Variants in FGF12 observed in about 807,000 individuals in gnomAD.
FGF12 encodes fibroblast growth factor 12, also known as fibroblast growth factor 12B.
Under a neutral mutation model 23.6 loss-of-function variants are expected in FGF12, and 14 were observed. The observed-to-expected ratio is 0.59, with a 90% CI of 0.39 to 0.93. The LOEUF (loss-of-function observed/expected upper bound fraction) is 0.93, where lower values mean the gene tolerates loss of function less well. Among genes scored for constraint, FGF12 ranks in the 40% least tolerant of loss-of-function variants. The pLI is 0.00. For synonymous variants in FGF12, 62 were observed against 77.3 expected (o/e 0.80, Z 1.04); for missense variants, 175 against 217.8 (o/e 0.80, Z 1.24).
In FGF12 at chr3:192,372,365, C is replaced by A. The variant is rs1445844125; in HGVS notation, c.14-11827G>T. On this transcript the variant is annotated intron_variant, in intron 2 of 5. Transcript: ENST00000445105. ...ATATTATTATGGTTGTTAAATGTGA[C>A]TTTTGTCTATCATCTTTTCATACCA... Among the ~76,000 whole-genome samples the A allele has an allele frequency of 2.7e-5, 4 of 149,774 alleles. No homozygotes were observed. The East Asian group carries it at 7.9e-4, about 30-fold the overall frequency.
At chr3:192,541,525 C>G (rs965907104) in intron 2 of FGF12, among the ~76,000 whole-genome samples, 7 of 151,980 alleles carry the variant, frequency 4.6e-5, no homozygotes, top group Non-Finnish European at 1.0e-4. Flanking sequence ...ATTGGTTCAT[C>G]TTTAGTCTTT....
At chr3:192,647,729 A>ACATG (rs1716064825) in intron 2 of FGF12, among the ~76,000 whole-genome samples, 1 of 146,668 alleles carries the variant, frequency 6.8e-6, no homozygotes, top group South Asian at 2.1e-4. Flanking sequence ...ATATACACAT[A>ACATG]TATACATACA....
intron 2 of FGF12, among the ~76,000 whole-genome samples, chr3:192,476,642 A>G (rs761510200): frequency 3.3e-5 from 5 of 152,206 alleles, no homozygotes; most frequent in Non-Finnish European, 2.9e-5. Flanking sequence ...AGAAGCTCAA[A>G]CTTTGGGATC....
chr3:192,561,294 G>A (rs1315960088), intron 2 of FGF12, among the ~76,000 whole-genome samples: 1 of 151,898 alleles, frequency 6.6e-6, no homozygotes, highest in East Asian at 1.9e-4. Context: ...TGACCAATAA[G>A]TACATGAAAA....
intron 4 of FGF12, among the ~76,000 whole-genome samples, chr3:192,178,763 G>T (rs1440754449): frequency 6.6e-6 from 1 of 152,196 alleles, no homozygotes; most frequent in Non-Finnish European, 1.5e-5. Flanking sequence ...CTCCCAAAGT[G>T]CTGGGATTAC....
At chr3:192,174,662 G>C (rs1715757679) in intron 4 of FGF12, among the ~76,000 whole-genome samples, 1 of 151,442 alleles carries the variant, frequency 6.6e-6, no homozygotes. Context: ...TATGGAGTTG[G>C]GCATCAAAGA....
intron 4 of FGF12, among the ~76,000 whole-genome samples, chr3:192,187,497 T>A (rs1716537563): frequency 6.6e-6 from 1 of 152,284 alleles, no homozygotes; most frequent in South Asian, 2.1e-4. Flanking sequence ...ACTAAAATAA[T>A]TATGTAATTC....
At chr3:192,243,416 G>T (rs1230652066) in intron 4 of FGF12, among the ~76,000 whole-genome samples, 2 of 151,780 alleles carry the variant, frequency 1.3e-5, no homozygotes, top group Admixed American at 6.6e-5. Flanking sequence ...AACAGCCTGG[G>T]TAGTACAGAA....
chr3:192,466,914 C>T (rs1312374944), intron 2 of FGF12, among the ~76,000 whole-genome samples: 1 of 152,120 alleles, frequency 6.6e-6, no homozygotes, highest in African/African-American at 2.4e-5. Flanking sequence ...CATTAGCCCT[C>T]AGCGAAATGA....
intron 2 of FGF12, among the ~76,000 whole-genome samples, chr3:192,427,972 T>G (rs1560108206): frequency 6.6e-6 from 1 of 152,366 alleles, no homozygotes; most frequent in Non-Finnish European, 1.5e-5. Flanking sequence ...AACCTGCCAC[T>G]GAGAATGTCT....
intron 3 of FGF12, among the ~76,000 whole-genome samples, chr3:192,340,610 T>C (rs1372802364): frequency 6.6e-6 from 1 of 152,114 alleles, no homozygotes; most frequent in Non-Finnish European, 1.5e-5. Flanking sequence ...TCTTGTATTT[T>C]GAAAAATGAA....
At chr3:192,369,944 T>A (rs999755893) in intron 2 of FGF12, among the ~76,000 whole-genome samples, 5 of 152,200 alleles carry the variant, frequency 3.3e-5, no homozygotes, top group African/African-American at 1.2e-4. Flanking sequence ...TGAAAAAAGC[T>A]TTAAAGATGA....
rs532663714 is a variant in FGF12, at chr3:192,630,444, A to C, written c.13+96737T>G. On this transcript the variant is annotated intron_variant, in intron 2 of 5. Transcript: ENST00000445105. ...TACGGAAATCAGGGCTAAAAAAAAA[A>C]AATTACCCAGGGTCATGCCCCTGAT... Among the ~76,000 whole-genome samples the C allele has an allele frequency of 2.6e-5, 4 of 152,306 alleles. No individual in the cohort carries two copies. The East Asian group carries it at 7.7e-4, about 29-fold the overall frequency.
chr3:192,598,428 G>A (rs1713958294), intron 2 of FGF12, among the ~76,000 whole-genome samples: 2 of 152,148 alleles, frequency 1.3e-5, no homozygotes, highest in Non-Finnish European at 2.9e-5. Context: ...ATTAGTGCTA[G>A]CAAGTGTGAT....
At chr3:192,692,976 G>GAA (rs535727148) in intron 2 of FGF12, among the ~76,000 whole-genome samples, 1 of 139,738 alleles carries the variant, frequency 7.2e-6, no homozygotes. Flanking sequence ...AACCAGAAAA[G>GAA]AAAAAAAAAA....
chr3:192,244,984 T>C (rs557302986), intron 4 of FGF12: 4 of 152,334 alleles, frequency 2.6e-5, no homozygotes, highest in African/African-American at 4.8e-5. Flanking sequence ...CCAAGACTCA[T>C]TGCAACTATG....
At chr3:192,216,927 G>T (rs1344652513) in intron 4 of FGF12, among the ~76,000 whole-genome samples, 1 of 152,214 alleles carries the variant, frequency 6.6e-6, no homozygotes, top group African/African-American at 2.4e-5. Context: ...TTAAGGATGT[G>T]AGAAGATGAA....
intron 2 of FGF12, among the ~76,000 whole-genome samples, chr3:192,442,979 T>C (rs1722246100): frequency 6.6e-6 from 1 of 152,008 alleles, no homozygotes; most frequent in Non-Finnish European, 1.5e-5. Context: ...GGCTAATTTT[T>C]TGTATTTTTA....
Position 192,538,800 on chromosome 3 carries a change from T to G in FGF12, c.14-178262A>C, listed in dbSNP as rs114096248. On this transcript the variant is annotated intron_variant, in intron 2 of 5. Transcript: ENST00000445105. The stretch of plus-strand genomic sequence containing the variant: ...GGAATATCTTTTCATTTCTTTGTTG[T>G]GCTCTTTAATTTCTTGCATCAATGT... 2.5e-3 allele frequency among the ~76,000 whole-genome samples: 377 copies of G among 152,348 alleles called. 1 individual carries two copies. Among genetic ancestry groups the G allele is most frequent in the Admixed American group, 4.7e-3 (72 of 15,302 alleles).
Sources: allele counts gnomAD v4.1 joint callset (sites outside exome capture counted in the v4.1 genomes callset), GRCh38; gene constraint gnomAD v4.1.1; transcripts MANE v1.5; gene names NCBI Gene and HGNC (gene_info 2026-07-23, HGNC 2026-07-21).